Variants in THSD7B observed in about 807,000 individuals in gnomAD.
THSD7B encodes the protein thrombospondin type-1 domain-containing protein 7B.
Under a neutral mutation model 213.6 loss-of-function variants are expected in THSD7B, and 138 were observed. The observed-to-expected ratio is 0.65, with a 90% CI of 0.56 to 0.74. THSD7B has a LOEUF of 0.74. Ranked by LOEUF, THSD7B falls within the 30% of genes least tolerant of loss-of-function variation. The probability of loss-of-function intolerance (pLI) is 0.00; values close to 1 mark genes in which losing one functional copy is unlikely to be tolerated. For synonymous variants in THSD7B, 742 were observed against 687.0 expected (o/e 1.08, Z -1.25); for missense variants, 1,931 against 1,991.5 (o/e 0.97, Z 0.58).
At chr2:136,836,300 A>T (rs1682841759) in intron 1 of THSD7B, among the ~76,000 whole-genome samples, 3 of 152,164 alleles carry the variant, frequency 2.0e-5, no homozygotes, top group Non-Finnish European at 2.9e-5. Context: ...TGAGGGTGTT[A>T]ATTTGGTCTC....
intron 1 of THSD7B, among the ~76,000 whole-genome samples, chr2:136,843,699 G>T (rs1468919361): frequency 6.6e-6 from 1 of 152,140 alleles, no homozygotes; most frequent in Non-Finnish European, 1.5e-5. Flanking sequence ...GCAGTCACTT[G>T]TTACCTGATT....
chr2:137,431,716 G>C (rs1687189343), intron 14 of THSD7B, among the ~76,000 whole-genome samples: 1 of 151,912 alleles, frequency 6.6e-6, no homozygotes, highest in Admixed American at 6.6e-5. Flanking sequence ...AGGATTTTGG[G>C]CAAGATAAAA....
chr2:137,615,135 G>T (rs544461070), intron 17 of THSD7B, among the ~76,000 whole-genome samples: 2 of 152,210 alleles, frequency 1.3e-5, no homozygotes, highest in East Asian at 3.9e-4. Context: ...GACATGAGAA[G>T]TAGAAGCCAT....
chr2:137,325,473 C>A (rs1426942218), intron 12 of THSD7B, among the ~76,000 whole-genome samples: 1 of 152,050 alleles, frequency 6.6e-6, no homozygotes, highest in Non-Finnish European at 1.5e-5. Flanking sequence ...GGTTGCCTGA[C>A]CGTGGTGGAA....
chr2:137,475,822 G>A (rs1688179997), intron 15 of THSD7B, among the ~76,000 whole-genome samples: 1 of 152,034 alleles, frequency 6.6e-6, no homozygotes, highest in Non-Finnish European at 1.5e-5. Context: ...TCTTTCCTTT[G>A]GATAAATACC....
intron 17 of THSD7B, among the ~76,000 whole-genome samples, chr2:137,578,792 G>A (rs571822996): frequency 5.0e-4 from 76 of 152,204 alleles, no homozygotes; most frequent in Non-Finnish European, 1.0e-3. Context: ...TTTTTACAAG[G>A]TAACATTTTA....
chr2:137,519,526 C>T (rs917548315), intron 15 of THSD7B, among the ~76,000 whole-genome samples: 1 of 152,150 alleles, frequency 6.6e-6, no homozygotes, highest in East Asian at 1.9e-4. Context: ...GAGGGTTCAT[C>T]AGAAACAGAA....
At chr2:136,879,655 A>G (rs933676237) in intron 1 of THSD7B, among the ~76,000 whole-genome samples, 2 of 152,098 alleles carry the variant, frequency 1.3e-5, no homozygotes, top group African/African-American at 4.8e-5. Context: ...TTGGATTCCT[A>G]GGTATTTTAT....
chr2:137,601,228 G>C (rs2104823460), intron 17 of THSD7B, among the ~76,000 whole-genome samples: 1 of 152,176 alleles, frequency 6.6e-6, no homozygotes, highest in South Asian at 2.1e-4. Context: ...TGTTTATAAA[G>C]TCTACCATAG....
chr2:137,083,998 A>G (rs538038447), intron 3 of THSD7B, among the ~76,000 whole-genome samples: 2 of 152,322 alleles, frequency 1.3e-5, no homozygotes, highest in East Asian at 1.9e-4. Context: ...CAAATATTAC[A>G]TAATTTAGAA....
At chr2:137,551,235 T>C (rs1481586381) in intron 15 of THSD7B, among the ~76,000 whole-genome samples, 2 of 152,124 alleles carry the variant, frequency 1.3e-5, no homozygotes, top group Non-Finnish European at 1.5e-5. Context: ...AAATTTCTTC[T>C]CTTCTTTATA....
intron 10 of THSD7B, among the ~76,000 whole-genome samples, chr2:137,245,284 T>C (rs1682000899): frequency 6.6e-6 from 1 of 152,212 alleles, no homozygotes; most frequent in Non-Finnish European, 1.5e-5. Context: ...TTAATGTCTC[T>C]TTGCCTCAGT....
intron 15 of THSD7B, among the ~76,000 whole-genome samples, chr2:137,511,052 G>A (rs1251909175): frequency 6.6e-6 from 1 of 152,116 alleles, no homozygotes; most frequent in East Asian, 1.9e-4. Flanking sequence ...CTAATTGTAT[G>A]AGAGTTGGAA....
intron 2 of THSD7B, among the ~76,000 whole-genome samples, chr2:137,001,350 T>C (rs1685994982): frequency 6.6e-6 from 1 of 152,142 alleles, no homozygotes; most frequent in South Asian, 2.1e-4. Context: ...CATCTTTTTC[T>C]GTCCTCTCAT....
chr2:137,097,945 G>A lies in THSD7B; in HGVS notation c.1199+2824G>A, dbSNP rs138065191. Reference sequence around the variant, plus strand: ...TGGGAAGGAGAATACATAAGTAACAGCAACTAAACATCAGCTAACATTCTA... The same window carrying A: ...TGGGAAGGAGAATACATAAGTAACAACAACTAAACATCAGCTAACATTCTA... On this transcript the variant is annotated intron_variant, in intron 4 of 27. Coordinates refer to ENST00000409968, the MANE Select transcript of THSD7B (RefSeq NM_001316349.2). Among the ~76,000 whole-genome samples the A allele has an allele frequency of 4.9e-3, 739 of 150,436 alleles. 6 individuals are homozygous for A. The highest frequency in any genetic ancestry group is 0.018 in the African/African-American group (703 of 40,142).
intron 12 of THSD7B, among the ~76,000 whole-genome samples, chr2:137,301,917 T>C (rs1683614094): frequency 6.6e-6 from 1 of 152,078 alleles, no homozygotes. Flanking sequence ...AGAAGACTGA[T>C]AGGATCCGGT....
At chr2:137,586,043 G>C (rs1044371285) in intron 17 of THSD7B, among the ~76,000 whole-genome samples, 1 of 152,028 alleles carries the variant, frequency 6.6e-6, no homozygotes, top group African/African-American at 2.4e-5. Context: ...ATTATATTTA[G>C]GATAGTTAGC....
intron 12 of THSD7B, among the ~76,000 whole-genome samples, chr2:137,372,323 C>CTTT (rs55635315): frequency 0.09 from 5,165 of 57,548 alleles, 1,139 homozygotes; most frequent in Non-Finnish European, 0.15. Flanking sequence ...TGATAATACT[C>CTTT]TTTTTTTTTT....
At chr2:137,079,596 A>T (rs1425073783) in intron 3 of THSD7B, among the ~76,000 whole-genome samples, 2 of 152,024 alleles carry the variant, frequency 1.3e-5, no homozygotes, top group African/African-American at 4.8e-5. Flanking sequence ...TAGCCTTTTG[A>T]AACCACTACG....
Sources: allele counts gnomAD v4.1 joint callset (sites outside exome capture counted in the v4.1 genomes callset), GRCh38; gene constraint gnomAD v4.1.1; transcripts MANE v1.5; gene names NCBI Gene and HGNC (gene_info 2026-07-23, HGNC 2026-07-21).